Variants in AMZ1 observed in about 807,000 individuals in gnomAD.
AMZ1 encodes the protein archaemetzincin-1.
AMZ1 carries 39 observed loss-of-function variants against 29.9 expected under a neutral mutation model. The observed-to-expected ratio is 1.30, with a 90% CI of 1.01 to 1.70. AMZ1 has a LOEUF of 1.70. Ranked by LOEUF, AMZ1 falls within the 40% of genes most tolerant of loss-of-function variation. AMZ1 has a pLI of 0.00. For synonymous variants in AMZ1, 458 were observed against 304.0 expected (o/e 1.51, Z -5.27); for missense variants, 1,041 against 680.6 (o/e 1.53, Z -5.89).
In AMZ1 at chr7:2,715,079, C is replaced by T. The variant is rs1166010409; in HGVS notation, c.*2201C>T. Reference sequence around the variant, plus strand: ...GGTCACTTTCAGAAAGGGACCTGGGCTTCCTCACAATATGGCGGTTGCCCT... The same window carrying T: ...GGTCACTTTCAGAAAGGGACCTGGGTTTCCTCACAATATGGCGGTTGCCCT... On this transcript the variant is annotated 3_prime_UTR_variant, in exon 7 of 7. Coordinates refer to ENST00000683327, the MANE Select transcript of AMZ1 (RefSeq NM_001384743.1). The T allele has an allele frequency of 6.6e-6, 1 of 152,256 alleles. No homozygotes were observed. Among genetic ancestry groups the T allele is most frequent in the African/African-American group, 2.4e-5 (1 of 41,444 alleles). 9.4% of individuals were successfully genotyped at this position (152,256 alleles called of 1,614,324 possible).
chr7:2,681,494 C>G (rs765873701), intron 1 of AMZ1, among the ~76,000 whole-genome samples: 1 of 152,090 alleles, frequency 6.6e-6, no homozygotes, highest in Non-Finnish European at 1.5e-5. Flanking sequence ...CTCCAGGGCT[C>G]GAGAGATCCA....
intron 3 of AMZ1, 71 bp downstream of exon 3, chr7:2,702,960 C>T (rs978637012): frequency 1.3e-4 from 192 of 1,475,620 alleles, no homozygotes; most frequent in African/African-American, 1.6e-4. Context: ...GGGAGGAAGG[C>T]GCCCAGGAGA....
At chr7:2,691,555 A>G (rs577220999) in intron 1 of AMZ1, among the ~76,000 whole-genome samples, 1 of 148,234 alleles carries the variant, frequency 6.7e-6, no homozygotes, top group African/African-American at 2.6e-5. Flanking sequence ...AGCTTGGCCA[A>G]TATGGTGAAA....
At chr7:2,759,862 C>A (rs1161615743), upstream of AMZ1, among the ~76,000 whole-genome samples, 1 of 147,364 alleles carries the variant, frequency 6.8e-6, no homozygotes, top group Non-Finnish European at 1.5e-5. Context: ...ATTGTCCGCC[C>A]CCGTCTCAGA....
intron 6 of AMZ1, 79 bp from the exon 7 acceptor site, chr7:2,712,251 G>A: frequency 7.0e-7 from 1 of 1,432,042 alleles, no homozygotes; most frequent in Non-Finnish European, 9.3e-7. Context: ...GTCCCCTTAG[G>A]TAAGGAGGTC....
intron 4 of AMZ1, among the ~76,000 whole-genome samples, chr7:2,755,507 A>T (rs537390405): frequency 1.3e-5 from 2 of 152,332 alleles, no homozygotes; most frequent in South Asian, 4.1e-4. Context: ...AATGACTGTT[A>T]ATGGTGTTGC....
chr7:2,717,702 A>AGATCGCGGGT lies in AMZ1; in HGVS notation c.*4826_*4835dup, dbSNP rs1261431282. On this transcript the variant is annotated 3_prime_UTR_variant, in exon 7 of 7. Transcript: ENST00000683327. ...TGCGAACGCTGTTAAAAACAGATGCAGATCGCGGGTGGAGACGGCCGGCCG... is the reference window on the plus strand; with the variant it reads ...TGCGAACGCTGTTAAAAACAGATGCAGATCGCGGGTGATCGCGGGTGGAGACGGCCGGCCG... Among the ~76,000 whole-genome samples, 1 of 152,232 alleles carries AGATCGCGGGT rather than the reference A, an allele frequency of 6.6e-6. No homozygotes were observed. The highest frequency in any genetic ancestry group is 2.4e-5 in the African/African-American group (1 of 41,466).
At chr7:2,709,370 A>C in intron 5 of AMZ1, 126 bp downstream of exon 5, 1 of 1,123,350 alleles carries the variant, frequency 8.9e-7, no homozygotes, top group Non-Finnish European at 1.2e-6. Context: ...CTATGGAATG[A>C]GGAAAGCAAG....
Position 2,713,026 on chromosome 7 carries a change from C to G in AMZ1, c.*148C>G. On this transcript the variant is annotated 3_prime_UTR_variant, in exon 7 of 7. Transcript: ENST00000683327. ...CCTGTCATCCCATCACTTTGAGAGG[C>G]CAGGAGTTTGAGACCAGACTGGGCA... 2.2e-6 allele frequency: 2 copies of G among 891,498 alleles called. No homozygotes were observed. The highest frequency in any genetic ancestry group is 3.1e-6 in the Non-Finnish European group (2 of 647,138). The allele number at this position is 891,498 out of a possible 1,614,324, so 55.2% of individuals were successfully genotyped here.
downstream of AMZ1, among the ~76,000 whole-genome samples, chr7:2,724,493 G>A (rs1168183332): frequency 6.6e-6 from 1 of 152,244 alleles, no homozygotes; most frequent in African/African-American, 2.4e-5. Context: ...CCAGGCAAGA[G>A]ACGGGAAGCC....
intron 4 of AMZ1, among the ~76,000 whole-genome samples, chr7:2,725,238 G>T (rs1241753562): frequency 2.0e-5 from 3 of 152,218 alleles, no homozygotes; most frequent in Non-Finnish European, 4.4e-5. Context: ...AGGTCCTCCG[G>T]GTTCAGGGGC....
At chr7:2,698,696 G>A (rs1462503603) in intron 1 of AMZ1, among the ~76,000 whole-genome samples, 1 of 151,988 alleles carries the variant, frequency 6.6e-6, no homozygotes, top group Non-Finnish European at 1.5e-5. Flanking sequence ...AAATTAGCAG[G>A]ACATTGTACA....
In AMZ1 at chr7:2,737,264, G is replaced by GTTTT. The variant is rs201866976; in HGVS notation, n.551-27447_551-27444dup. On this transcript the variant is annotated intron_variant and non_coding_transcript_variant, in intron 4 of 4. Coordinates refer to the AMZ1 transcript ENST00000489665. ...CTGCCCATTCAGGAGCTATCTCACA[G>GTTTT]TTTTGTTTTGTTTTTTTTTTTTTTG... Among the ~76,000 whole-genome samples, 22 of 52,484 alleles carry GTTTT rather than the reference G, an allele frequency of 4.2e-4. 2 individuals carry two copies. The highest frequency in any genetic ancestry group is 2.6e-3 in the East Asian group (4 of 1,510). 34.4% of individuals were successfully genotyped at this position (52,484 alleles called of 152,430 possible). A position where few individuals can be genotyped will look rare whatever the true frequency, so the allele number is the denominator to read the frequency against.
chr7:2,731,678 C>A lies in AMZ1; in HGVS notation n.550+21862C>A. The A allele has an allele frequency of 6.2e-7, 1 of 1,608,054 alleles. No individual in the cohort carries two copies. Among genetic ancestry groups the A allele is most frequent in the Non-Finnish European group, 8.5e-7 (1 of 1,176,928 alleles). ...ATCTTAAAGGGGATCTTCTTAATAA[C>A]GAAGTCATGCTCCACAATTCCCTTG... On this transcript the variant is annotated intron_variant and non_coding_transcript_variant, in intron 4 of 4. Transcript: ENST00000489665. The surrounding 1 kb of genome is among the most constrained non-coding windows in gnomAD (Gnocchi z 6.0).
At chr7:2,694,754 C>T (rs1000369776) in intron 1 of AMZ1, among the ~76,000 whole-genome samples, 2 of 151,744 alleles carry the variant, frequency 1.3e-5, no homozygotes, top group Admixed American at 6.6e-5. Context: ...CTCACTGCAA[C>T]CTCTGTCTCC....
intron 4 of AMZ1, chr7:2,729,879 G>T (rs75556464): frequency 2.0e-5 from 3 of 152,416 alleles, no homozygotes; most frequent in African/African-American, 7.2e-5. Flanking sequence ...GCAGGTAGCT[G>T]GACAAGTGAG....
At chr7:2,736,636 G>A (rs943740948) in intron 4 of AMZ1, among the ~76,000 whole-genome samples, 1 of 152,208 alleles carries the variant, frequency 6.6e-6, no homozygotes, top group Non-Finnish European at 1.5e-5. Flanking sequence ...GCAGGACCTA[G>A]GCCGACACAC....
chr7:2,755,020 C>T (rs1019138303), intron 4 of AMZ1, among the ~76,000 whole-genome samples: 4 of 152,188 alleles, frequency 2.6e-5, no homozygotes, highest in Non-Finnish European at 5.9e-5. Context: ...GTCCAGCACC[C>T]TTTGTTGAAA....
At chr7:2,702,558 C>T in intron 2 of AMZ1, 164 bp from the exon 3 acceptor site, 1 of 757,316 alleles carries the variant, frequency 1.3e-6, no homozygotes, top group East Asian at 2.8e-5. Flanking sequence ...TTGAAAAAGT[C>T]ATGCTTTCCA....
Sources: allele counts gnomAD v4.1 joint callset (sites outside exome capture counted in the v4.1 genomes callset), GRCh38; gene constraint gnomAD v4.1.1; non-coding constraint Gnocchi (gnomAD v3.1); transcripts MANE v1.5; gene names NCBI Gene and HGNC (gene_info 2026-07-23, HGNC 2026-07-21).